Variants in FBRSL1 observed in about 807,000 individuals in gnomAD.
The protein encoded by FBRSL1 is fibrosin like 1, also known as fibrosin-1-like protein.
Under a neutral mutation model 89.6 loss-of-function variants are expected in FBRSL1, and 51 were observed. The observed-to-expected ratio is 0.57, with a 90% CI of 0.45 to 0.72. The LOEUF (loss-of-function observed/expected upper bound fraction) is 0.72. Ranked by LOEUF, FBRSL1 falls within the 30% of genes least tolerant of loss-of-function variation. The pLI, the probability that FBRSL1 is intolerant of heterozygous loss-of-function variation, is 0.00. For missense variants in FBRSL1, 1,618 were observed against 1,451.8 expected, an observed-to-expected ratio of 1.11 and a Z score of -1.86; for synonymous variants, 779 against 681.1, an observed-to-expected ratio of 1.14 and a Z score of -2.24.
Position 132,572,515 on chromosome 12 carries a change from C to T in FBRSL1, c.1435-12C>T. 5 of 1,547,432 alleles carry T rather than the reference C, an allele frequency of 3.2e-6. No homozygotes were observed. In the South Asian group the frequency reaches 6.0e-5, roughly 18 times the overall value. On this transcript the variant is annotated splice_polypyrimidine_tract_variant and intron_variant, in intron 10 of 18. Coordinates refer to ENST00000680143, the MANE Select transcript of FBRSL1 (RefSeq NM_001367871.1). Reference sequence around the variant, plus strand: ...TTGGGCCCCCCCTCCATCCGCTCTCCTTCTCTTACAGTTCTTCCCGTCCTT... The same window carrying T: ...TTGGGCCCCCCCTCCATCCGCTCTCTTTCTCTTACAGTTCTTCCCGTCCTT...
intron 4 of FBRSL1, among the ~76,000 whole-genome samples, chr12:132,542,267 G>A (rs538150222): frequency 2.3e-4 from 35 of 152,288 alleles, no homozygotes; most frequent in African/African-American, 7.9e-4. Flanking sequence ...AGGGCCCCAC[G>A]GAGGACACAT....
intron 4 of FBRSL1, among the ~76,000 whole-genome samples, chr12:132,547,482 C>A (rs183479016): frequency 6.6e-6 from 1 of 152,246 alleles, no homozygotes; most frequent in Non-Finnish European, 1.5e-5. Context: ...CCTCTGCCCC[C>A]GGCTGTCCTG....
At chr12:132,519,494 G>A (rs150814032) in intron 2 of FBRSL1, among the ~76,000 whole-genome samples, 77 of 152,346 alleles carry the variant, frequency 5.1e-4, no homozygotes, top group African/African-American at 1.8e-3. Context: ...TCTGAGAGTC[G>A]TTCTCCTTCC....
At position 132,570,496 on chromosome 12, in the gene FBRSL1, C is replaced by T. The variant is rs1236713982; in HGVS notation, c.1169C>T (p.Pro390Leu). ...GCACCCCCGACACTGCCCCCGCCCCCGGCGCTGCCGGCCAGCAGCCTGGTC... is the reference window on the plus strand; with the variant it reads ...GCACCCCCGACACTGCCCCCGCCCCTGGCGCTGCCGGCCAGCAGCCTGGTC... Reference protein sequence around the residue: ...FAAPPTLPPPPALPASSLVLP... With the variant: ...FAAPPTLPPPLALPASSLVLP... The change falls in exon 8 of 19, where the codon CCG (proline) becomes CTG (leucine). Residue 390 changes from proline to leucine, a missense_variant. Pro to Leu is a moderately conservative substitution (Grantham distance 98). Coordinates refer to ENST00000680143, the MANE Select transcript of FBRSL1 (RefSeq NM_001367871.1). 3.9e-6 allele frequency: 6 copies of T among 1,527,348 alleles called. No individual in the cohort carries two copies. Among genetic ancestry groups the T allele is most frequent in the Non-Finnish European group, 5.3e-6 (6 of 1,142,734 alleles). 94.6% of individuals were successfully genotyped at this position (1,527,348 alleles called of 1,614,324 possible). A position where few individuals can be genotyped will look rare whatever the true frequency, so the allele number is the denominator to read the frequency against.
At chr12:132,503,764 G>A (rs896616104) in intron 1 of FBRSL1, among the ~76,000 whole-genome samples, 6 of 152,220 alleles carry the variant, frequency 3.9e-5, no homozygotes, top group African/African-American at 1.4e-4. Flanking sequence ...GAGCTGTGGG[G>A]TTTGCACACA....
Position 132,490,550 on chromosome 12 carries a change from C to T in FBRSL1, c.-21C>T. Reference sequence around the variant, plus strand: ...GCGCGGGGCGTCAAGGTCACCGGCCCGACGGGGCGCACGCGCGGCCATGGA... The same window carrying T: ...GCGCGGGGCGTCAAGGTCACCGGCCTGACGGGGCGCACGCGCGGCCATGGA... On this transcript the variant is annotated 5_prime_UTR_variant, in exon 1 of 19. Coordinates refer to ENST00000680143, the MANE Select transcript of FBRSL1 (RefSeq NM_001367871.1). 6.1e-6 allele frequency: 6 copies of T among 980,894 alleles called. No individual in the cohort carries two copies. Among genetic ancestry groups the T allele is most frequent in the Middle Eastern group, 5.2e-4 (1 of 1,914 alleles). 60.8% of individuals were successfully genotyped at this position (980,894 alleles called of 1,614,324 possible). A position where few individuals can be genotyped will look rare whatever the true frequency, so the allele number is the denominator to read the frequency against.
At chr12:132,526,478 G>A (rs941585127) in intron 3 of FBRSL1, among the ~76,000 whole-genome samples, 2 of 152,220 alleles carry the variant, frequency 1.3e-5, no homozygotes, top group African/African-American at 2.4e-5. Flanking sequence ...TCAGGGCAAC[G>A]AAGGCCCTCC....
In FBRSL1 at chr12:132,499,288, AGCAGGGAAGGGCCAGCCAGGCAGGGG is replaced by A; in HGVS notation, c.291+8428_291+8453del. Among the ~76,000 whole-genome samples, 1 of 145,618 alleles carries A rather than the reference AGCAGGGAAGGGCCAGCCAGGCAGGGG, an allele frequency of 6.9e-6. No individual in the cohort carries two copies. The highest frequency in any genetic ancestry group is 1.5e-5 in the Non-Finnish European group (1 of 64,790). Reference sequence around the variant, plus strand: ...GGAGAGGCCAGGTGAGCCGCTGGCCAGCAGGGAAGGGCCAGCCAGGCAGGGGTGGTGCTGGGCAGCAGTGGTGCTGG... The same window carrying A: ...GGAGAGGCCAGGTGAGCCGCTGGCCATGGTGCTGGGCAGCAGTGGTGCTGG... On this transcript the variant is annotated intron_variant, in intron 1 of 18. Transcript: ENST00000680143. The surrounding 1 kb of genome is among the most constrained non-coding windows in gnomAD (Gnocchi z 4.3).
chr12:132,559,578 C>A (rs2038939543), intron 5 of FBRSL1, among the ~76,000 whole-genome samples: 1 of 151,380 alleles, frequency 6.6e-6, no homozygotes, highest in South Asian at 2.1e-4. Context: ...TTCGTAGAGA[C>A]GGGCGGGGGT....
At chr12:132,508,620 G>A (rs186543476) in intron 2 of FBRSL1, among the ~76,000 whole-genome samples, 42 of 152,360 alleles carry the variant, frequency 2.8e-4, no homozygotes, top group African/African-American at 9.9e-4. Flanking sequence ...GTTCCGGGCT[G>A]GGGCGCCAAG....
intron 4 of FBRSL1, among the ~76,000 whole-genome samples, chr12:132,544,162 C>T (rs2037490110): frequency 6.6e-6 from 1 of 152,150 alleles, no homozygotes; most frequent in African/African-American, 2.4e-5. Context: ...CTAGGGGCCC[C>T]GAGCCTCGGT....
chr12:132,530,075 G>A (rs919158320), intron 4 of FBRSL1, among the ~76,000 whole-genome samples: 2 of 152,016 alleles, frequency 1.3e-5, no homozygotes, highest in Admixed American at 6.5e-5. Flanking sequence ...ACACTCCTCC[G>A]CCCTTCCCAT....
At position 132,536,038 on chromosome 12, in the gene FBRSL1, A is replaced by G. The variant is rs2036699622; in HGVS notation, c.615+8050A>G. ...TGTACATGGTGTGTTGTTTACATGTACATGACAGTGTGTGTGCCACGTGTG... is the reference window on the plus strand; with the variant it reads ...TGTACATGGTGTGTTGTTTACATGTGCATGACAGTGTGTGTGCCACGTGTG... On this transcript the variant is annotated intron_variant, in intron 4 of 18. Transcript: ENST00000680143. Among the ~76,000 whole-genome samples the G allele has an allele frequency of 2.6e-5, 4 of 151,650 alleles. No homozygotes were observed. In the South Asian group the frequency reaches 8.3e-4, roughly 32 times the overall value.
At position 132,584,063 on chromosome 12, in the gene FBRSL1, A is replaced by G. The variant is rs2040982017; in HGVS notation, c.*285A>G. Reference sequence around the variant, plus strand: ...TATTTTTCTTAATTTTATGCTCTTTAGACGTTTAAAAGAACCAAAAAAGAA... The same window carrying G: ...TATTTTTCTTAATTTTATGCTCTTTGGACGTTTAAAAGAACCAAAAAAGAA... On this transcript the variant is annotated 3_prime_UTR_variant, in exon 19 of 19. Coordinates refer to ENST00000680143, the MANE Select transcript of FBRSL1 (RefSeq NM_001367871.1). The G allele has an allele frequency of 5.8e-6, 1 of 172,596 alleles. No homozygotes were observed. The highest frequency in any genetic ancestry group is 1.2e-5 in the Non-Finnish European group (1 of 81,650). The allele number at this position is 172,596 out of a possible 1,614,324, so 10.7% of individuals were successfully genotyped here.
chr12:132,500,464 C>T (rs1037547343), intron 1 of FBRSL1, among the ~76,000 whole-genome samples: 6 of 152,142 alleles, frequency 3.9e-5, no homozygotes, highest in African/African-American at 9.7e-5. Context: ...CTCATGGGGC[C>T]GGCCTCTCTG....
intron 4 of FBRSL1, among the ~76,000 whole-genome samples, chr12:132,540,512 C>T (rs1460241677): frequency 6.6e-6 from 1 of 151,790 alleles, no homozygotes; most frequent in African/African-American, 2.4e-5. Flanking sequence ...TGGCCTGGTG[C>T]AGCAGCAGAG....
chr12:132,520,856 T>A (rs1593324248), intron 2 of FBRSL1, among the ~76,000 whole-genome samples: 2 of 152,210 alleles, frequency 1.3e-5, no homozygotes, highest in African/African-American at 4.8e-5. Flanking sequence ...CACCCACAGT[T>A]GTGCCAGGCA....
chr12:132,564,724 T>C (rs964267327), intron 5 of FBRSL1, among the ~76,000 whole-genome samples: 2 of 81,774 alleles, frequency 2.4e-5, no homozygotes, highest in Non-Finnish European at 4.2e-5. Flanking sequence ...CTCGATCTCC[T>C]GACCTCGTGA....
In FBRSL1 at chr12:132,583,191, G is replaced by A; in HGVS notation, c.2422G>A (p.Ala808Thr). ...CGCATCCCCGCCCCACAGCAAGGCGGCCCCTGGAGACGTGAAGGTCAAGGA... is the reference window on the plus strand; with the variant it reads ...CGCATCCCCGCCCCACAGCAAGGCGACCCCTGGAGACGTGAAGGTCAAGGA... ...ARASPPHSKA[A>T]PGDVKVKEER... Residue 808 changes from alanine to threonine, a missense_variant, in exon 19 of 19, where the codon GCC (alanine) becomes ACC (threonine). By Grantham distance (58) the Ala-to-Thr change is moderately conservative. Transcript: ENST00000680143. The A allele has an allele frequency of 6.9e-7, 1 of 1,449,604 alleles. No individual in the cohort carries two copies. Among genetic ancestry groups the A allele is most frequent in the Non-Finnish European group, 9.1e-7 (1 of 1,104,456 alleles). The allele number at this position is 1,449,604 out of a possible 1,614,324, so 89.8% of individuals were successfully genotyped here. A position where few individuals can be genotyped will look rare whatever the true frequency, so the allele number is the denominator to read the frequency against.
Sources: allele counts gnomAD v4.1 joint callset (sites outside exome capture counted in the v4.1 genomes callset), GRCh38; gene constraint gnomAD v4.1.1; non-coding constraint Gnocchi (gnomAD v3.1); transcripts MANE v1.5; gene names NCBI Gene and HGNC (gene_info 2026-07-23, HGNC 2026-07-21).